TTN: variants seen among roughly 807,000 people sequenced by gnomAD.
TTN encodes connectin.
Under a neutral mutation model 3,223.0 loss-of-function variants are expected in TTN, and 1,525 were observed. The ratio of observed to expected loss-of-function variants is 0.47; its 90% CI spans 0.45 to 0.49. The LOEUF (loss-of-function observed/expected upper bound fraction) is 0.49. Ranked by LOEUF, TTN falls within the 20% of genes least tolerant of loss-of-function variation. The probability of loss-of-function intolerance (pLI) is 0.00; values close to 1 mark genes in which losing one functional copy is unlikely to be tolerated. For missense variants in TTN, 40,786 were observed against 43,424.0 expected (o/e 0.94, Z 5.40); for synonymous variants, 14,094 against 15,161.0 (o/e 0.93, Z 5.17).
Position 178,724,025 on chromosome 2 carries a change from A to C in TTN, c.21234T>G (p.Phe7078Leu). 6.2e-7 allele frequency: 1 copy of C among 1,613,582 alleles called. No individual in the cohort carries two copies. The highest frequency in any genetic ancestry group is 1.1e-5 in the South Asian group (1 of 91,078). Residue 7078 changes from phenylalanine (F) to leucine (L), a missense_variant, in exon 73 of 363, where the codon TTT becomes TTG. Coordinates refer to ENST00000589042, the MANE Select transcript of TTN (RefSeq NM_001267550.2). ...CACTGACAATCTTGGTTTTCTCATGAAACCAGGCAACTGAAATAGGTGATG... is the reference window on the plus strand; with the variant it reads ...CACTGACAATCTTGGTTTTCTCATGCAACCAGGCAACTGAAATAGGTGATG... ...AGSSPISVAW[F>L]HEKTKIVSGA...
At chr2:178,782,748 G>C (rs1008227160) in intron 18 of TTN, 58 bp downstream of exon 18, 3 of 1,611,282 alleles carry the variant, frequency 1.9e-6, no homozygotes, top group African/African-American at 2.7e-5. Context: ...TTGTGGAAAA[G>C]AGTGTCAGAT....
chr2:178,679,823 A>T (rs187186976), intron 140 of TTN, 71 bp downstream of exon 140: 1 of 1,586,898 alleles, frequency 6.3e-7, no homozygotes, highest in East Asian at 2.2e-5. Context: ...TAACCCCCAG[A>T]ATCTGACCAA....
At position 178,546,996 on chromosome 2, in the gene TTN, T is replaced by C; in HGVS notation, c.94522+7A>G. 2 of 1,605,564 alleles carry C rather than the reference T, an allele frequency of 1.2e-6. No individual in the cohort carries two copies. Among genetic ancestry groups the C allele is most frequent in the Non-Finnish European group, 1.7e-6 (2 of 1,174,398 alleles). On this transcript the variant is annotated splice_region_variant and intron_variant, in intron 340 of 362. Transcript: ENST00000589042. ...AAACAAATATGCCCTTAAATTGTGA[T>C]ACATACCAACTGGATTTTGAGCCAT...
intron 210 of TTN, 80 bp from the exon 211 acceptor site, chr2:178,649,974 C>T: frequency 1.3e-6 from 2 of 1,498,362 alleles, no homozygotes; most frequent in Middle Eastern, 1.8e-4. Flanking sequence ...AAAAACCACA[C>T]ATATTTCTTG....
chr2:178,635,549 T>C lies in TTN; in HGVS notation c.41775A>G (p.Arg13925=), dbSNP rs1302228638. ...AEPNDKTEIL[R]DGNHLYLKIK... ...TTTTGAGGTACAGATGATTTCCATC[T>C]CTCAGTATTTCAGTCTTATCATTTG... is the stretch of plus-strand genomic sequence containing the variant. The change falls in exon 227 of 363, where the codon AGA becomes AGG. Residue 13925 remains arginine (R), a synonymous_variant. Coordinates refer to ENST00000589042, the MANE Select transcript of TTN (RefSeq NM_001267550.2). 6.3e-7 allele frequency: 1 copy of C among 1,595,204 alleles called. No homozygotes were observed. Among genetic ancestry groups the C allele is most frequent in the Admixed American group, 1.8e-5 (1 of 57,080 alleles).
chr2:178,561,894 C>G lies in TTN; in HGVS notation c.84238G>C (p.Glu28080Gln), dbSNP rs1198142735. The G allele has an allele frequency of 1.2e-6, 2 of 1,613,476 alleles. No individual in the cohort carries two copies. Among genetic ancestry groups the G allele is most frequent in the Non-Finnish European group, 1.7e-6 (2 of 1,179,730 alleles). ...CTAATTTGGCAGCCACCATCATATT[C>G]TGGAGGATTCCAAGAAATGGTTATG... ...DSITISWNPP[E>Q]YDGGCQISNY... The change falls in exon 326 of 363, where the codon GAA becomes CAA. Residue 28080 changes from glutamate (E) to glutamine (Q), a missense_variant. By Grantham distance (29) the Glu-to-Gln change is conservative (BLOSUM62 2). Transcript: ENST00000589042.
In TTN at chr2:178,766,626, A is replaced by G. The variant is rs2090476442; in HGVS notation, c.9472-14T>C. 6.3e-7 allele frequency: 1 copy of G among 1,594,246 alleles called. No homozygotes were observed. Among genetic ancestry groups the G allele is most frequent in the South Asian group, 1.1e-5 (1 of 90,510 alleles). On this transcript the variant is annotated splice_polypyrimidine_tract_variant and intron_variant, in intron 40 of 362. Transcript: ENST00000589042. Reference sequence around the variant, plus strand: ...TTTCTCAATGACCTGTTGATGGAACAACATAAAAAAACAACAACAACAACA... The same window carrying G: ...TTTCTCAATGACCTGTTGATGGAACGACATAAAAAAACAACAACAACAACA...
intron 317 of TTN, 45 bp downstream of exon 317, chr2:178,580,277 A>T: frequency 6.2e-7 from 1 of 1,604,790 alleles, no homozygotes; most frequent in Non-Finnish European, 8.5e-7. Context: ...AAAAATACAT[A>T]AGCTATTTTA....
At chr2:178,583,322 A>C (rs1376089678) in intron 312 of TTN, 95 bp from the exon 313 acceptor site, 23 of 1,206,582 alleles carry the variant, frequency 1.9e-5, no homozygotes, top group Non-Finnish European at 2.2e-5. Flanking sequence ...TGCTTCTTTC[A>C]AGAATGGAAT....
intron 139 of TTN, 33 bp downstream of exon 139, chr2:178,680,221 G>A (rs143906578): frequency 1.8e-5 from 29 of 1,605,938 alleles, no homozygotes; most frequent in South Asian, 5.6e-5. Context: ...AGCAAAAGAC[G>A]AACAAAACAT....
At chr2:178,789,286 T>C (rs542372227) in intron 13 of TTN, 74 bp downstream of exon 13, 4 of 1,581,712 alleles carry the variant, frequency 2.5e-6, no homozygotes, top group South Asian at 1.1e-5. Flanking sequence ...TGTATTACAA[T>C]AAGGAATTTC....
rs1242126329 is a variant in TTN at position 178,605,465 on chromosome 2, C to T, written c.53830G>A (p.Gly17944Ser). The change falls in exon 279 of 363, where the codon GGT becomes AGT. Residue 17944 changes from glycine to serine, a missense_variant. Coordinates refer to ENST00000589042, the MANE Select transcript of TTN (RefSeq NM_001267550.2). ...AGAGGTAGGGATGGTTCACTTTCAC[C>T]AATTTCATTGACAGCTTTGACACGG... ...EFRVKAVNEIGESEPSLPLNV... is the reference protein window; with the variant it reads ...EFRVKAVNEISESEPSLPLNV... 6.2e-7 allele frequency: 1 copy of T among 1,611,318 alleles called. No individual in the cohort carries two copies. Among genetic ancestry groups the T allele is most frequent in the Non-Finnish European group, 8.5e-7 (1 of 1,178,406 alleles).
chr2:178,734,952 T>G lies in TTN; in HGVS notation c.14972A>C (p.Tyr4991Ser). 6.2e-7 allele frequency: 1 copy of G among 1,603,774 alleles called. No individual in the cohort carries two copies. Among genetic ancestry groups the G allele is most frequent in the Non-Finnish European group, 8.5e-7 (1 of 1,174,072 alleles). The stretch of plus-strand genomic sequence containing the variant: ...TGCTGATTCACCTGGGAGCATTAAA[T>G]AAGAGGGATCCACCTTCTTCACGAA... Reference protein sequence around the residue: ...PSFVKKVDPSYLMLPGESARL... With the variant: ...PSFVKKVDPSSLMLPGESARL... Residue 4991 changes from tyrosine (Y) to serine (S), a missense_variant, in exon 51 of 363, where the codon TAT (tyrosine) becomes TCT (serine). Tyr to Ser is a moderately radical substitution (Grantham distance 144). Coordinates refer to ENST00000589042, the MANE Select transcript of TTN (RefSeq NM_001267550.2).
intron 34 of TTN, 42 bp from the exon 35 acceptor site, chr2:178,770,717 AT>A: frequency 6.3e-7 from 1 of 1,597,954 alleles, no homozygotes; most frequent in Non-Finnish European, 8.5e-7. Context: ...TATAGATGAC[AT>A]CATCAAGGAA....
At chr2:178,671,265 T>G in intron 155 of TTN, 95 bp from the exon 156 acceptor site, 1 of 779,582 alleles carries the variant, frequency 1.3e-6, no homozygotes, top group Admixed American at 3.9e-5. Context: ...CACAAAATTC[T>G]TTATCTATAT....
Position 178,543,584 on chromosome 2 carries a change from G to T in TTN, c.96389C>A (p.Thr32130Lys), listed in dbSNP as rs368998895. ...GTTGACTGGAGCTCCACCATCAATC[G>T]TGGGAATTTCCCAAGTTATAGTCAC... Reference protein sequence around the residue: ...DSVTITWEIPTIDGGAPVNNY... With the variant: ...DSVTITWEIPKIDGGAPVNNY... The change falls in exon 347 of 363, where the codon ACG (threonine) becomes AAG (lysine). Residue 32130 changes from threonine (T) to lysine (K), a missense_variant. By Grantham distance (78) the Thr-to-Lys change is moderately conservative. Transcript: ENST00000589042. The T allele has an allele frequency of 1.2e-6, 2 of 1,608,018 alleles. No individual in the cohort carries two copies. The highest frequency in any genetic ancestry group is 1.7e-6 in the Non-Finnish European group (2 of 1,179,606).
intron 316 of TTN, 116 bp from the exon 317 acceptor site, chr2:178,580,725 T>C (rs1426641332): frequency 2.5e-5 from 26 of 1,030,828 alleles, no homozygotes; most frequent in Non-Finnish European, 3.2e-5. Flanking sequence ...TTCTTGTTCT[T>C]TAAAACTTCC....
chr2:178,641,613 A>G, intron 219 of TTN, among the ~76,000 whole-genome samples: 1 of 151,890 alleles, frequency 6.6e-6, no homozygotes, highest in Non-Finnish European at 1.5e-5. Context: ...TTGAATAGCA[A>G]CGAATTATAA....
intron 155 of TTN, 73 bp from the exon 156 acceptor site, chr2:178,671,243 A>G: frequency 3.8e-6 from 4 of 1,044,824 alleles, no homozygotes; most frequent in Non-Finnish European, 5.4e-6. Flanking sequence ...TAACGTTAGT[A>G]CAATGAGGGG....
Sources: gnomAD v4.1 joint callset for allele counts (sites outside exome capture counted in the v4.1 genomes callset) on GRCh38, gnomAD v4.1.1 for gene constraint, MANE v1.5 for transcripts, NCBI Gene and HGNC (gene_info 2026-07-23, HGNC 2026-07-21) for gene names.